MYO5B: variants seen among roughly 807,000 people sequenced by gnomAD.
MYO5B encodes the protein unconventional myosin-Vb.
A neutral mutation model predicts 229.3 loss-of-function variants in MYO5B; 143 were observed. The ratio of observed to expected loss-of-function variants is 0.62; its 90% CI spans 0.54 to 0.72. The LOEUF is 0.72. Ranked by LOEUF, MYO5B falls within the 30% of genes least tolerant of loss-of-function variation. The pLI, the probability that MYO5B is intolerant of heterozygous loss-of-function variation, is 0.00. For missense variants in MYO5B, 2,321 were observed against 2,331.0 expected (o/e 1.00, Z 0.09); for synonymous variants, 918 against 885.2 (o/e 1.04, Z -0.66).
chr18:50,086,669 G>A (rs564514720), intron 1 of MYO5B, among the ~76,000 whole-genome samples: 116 of 152,314 alleles, frequency 7.6e-4, no homozygotes, highest in African/African-American at 2.6e-3. Context: ...TTCCACATTT[G>A]TGGAAATGCC....
intron 4 of MYO5B, among the ~76,000 whole-genome samples, chr18:50,013,432 T>A (rs1227701255): frequency 2.0e-5 from 3 of 152,186 alleles, no homozygotes; most frequent in Non-Finnish European, 4.4e-5. Flanking sequence ...AATGACACCA[T>A]TTCAATAGAT....
intron 1 of MYO5B, chr18:50,126,579 G>C (rs1048354613): frequency 2.6e-5 from 4 of 154,858 alleles, no homozygotes; most frequent in Non-Finnish European, 4.4e-5. Flanking sequence ...GGTGAGCAAA[G>C]GCCTTGACAA....
intron 25 of MYO5B, 69 bp downstream of exon 25, chr18:49,877,694 A>T (rs552211130): frequency 6.2e-7 from 1 of 1,606,122 alleles, no homozygotes; most frequent in East Asian, 2.2e-5. Flanking sequence ...TCTCTTGGAC[A>T]GTTCCACACA....
chr18:50,013,389 A>G (rs907990305), intron 4 of MYO5B, among the ~76,000 whole-genome samples: 2 of 152,154 alleles, frequency 1.3e-5, no homozygotes, highest in Non-Finnish European at 2.9e-5. Context: ...ATCCCTCCCA[A>G]CTGCACCTAC....
chr18:50,192,212 C>T (rs927643623), intron 1 of MYO5B, among the ~76,000 whole-genome samples: 3 of 152,222 alleles, frequency 2.0e-5, no homozygotes, highest in African/African-American at 4.8e-5. Flanking sequence ...GAGCAAAGTT[C>T]GCACTTGATG....
intron 1 of MYO5B, among the ~76,000 whole-genome samples, chr18:50,160,788 TC>T (rs960447966): frequency 3.3e-5 from 5 of 152,092 alleles, no homozygotes; most frequent in Non-Finnish European, 7.4e-5. Context: ...AAGGAAATCC[TC>T]AGCACATATC....
At chr18:50,073,018 A>G (rs1165919819) in intron 1 of MYO5B, among the ~76,000 whole-genome samples, 1 of 152,210 alleles carries the variant, frequency 6.6e-6, no homozygotes, top group Non-Finnish European at 1.5e-5. Flanking sequence ...TTGGAGTCAC[A>G]TCGTAGCCAA....
At chr18:49,998,122 C>G (rs1004295915) in intron 5 of MYO5B, among the ~76,000 whole-genome samples, 4 of 152,138 alleles carry the variant, frequency 2.6e-5, no homozygotes, top group African/African-American at 7.2e-5. Flanking sequence ...CTTTCTAATT[C>G]TACTCAGGGT....
intron 14 of MYO5B, among the ~76,000 whole-genome samples, chr18:49,945,557 C>T (rs1031868127): frequency 3.3e-5 from 5 of 152,148 alleles, no homozygotes; most frequent in South Asian, 2.1e-4. Flanking sequence ...GGCATACCTC[C>T]GGGCACACCT....
At chr18:50,007,962 T>C (rs1409176540) in intron 4 of MYO5B, among the ~76,000 whole-genome samples, 1 of 152,184 alleles carries the variant, frequency 6.6e-6, no homozygotes, top group African/African-American at 2.4e-5. Context: ...AGTGAGACAC[T>C]GAGCCCGGAT....
rs1056356697 is a variant in MYO5B at position 49,947,985 on chromosome 18, G to A, written c.1752+5275C>T. ...CCATTAACTCGTCATTTAGCATTAG[G>A]TATACCTCCTAATGCTATCTACATA... On this transcript the variant is annotated intron_variant, in intron 14 of 39. Transcript: ENST00000285039. Among the ~76,000 whole-genome samples, 27 of 152,128 alleles carry A rather than the reference G, an allele frequency of 1.8e-4. 1 individual carries two copies. Among genetic ancestry groups the A allele is most frequent in the Admixed American group, 1.5e-3 (23 of 15,280 alleles).
intron 1 of MYO5B, among the ~76,000 whole-genome samples, chr18:50,173,325 G>A (rs2032946034): frequency 6.6e-6 from 1 of 151,952 alleles, no homozygotes; most frequent in African/African-American, 2.4e-5. Context: ...CAGCAGGTAA[G>A]GAAGACAGGG....
chr18:50,054,658 C>T (rs1454884860), intron 2 of MYO5B, among the ~76,000 whole-genome samples: 1 of 152,130 alleles, frequency 6.6e-6, no homozygotes, highest in Admixed American at 6.5e-5. Context: ...ACCTTGTCTT[C>T]CACTTGAAAG....
Position 49,907,486 on chromosome 18 carries a change from C to G in MYO5B, c.2203-856G>C, listed in dbSNP as rs150268804. Among the ~76,000 whole-genome samples the G allele has an allele frequency of 2.5e-3, 381 of 152,300 alleles. 2 individuals carry two copies. Among genetic ancestry groups the G allele is most frequent in the Admixed American group, 7.5e-3 (115 of 15,302 alleles). On this transcript the variant is annotated intron_variant, in intron 18 of 39. Coordinates refer to ENST00000285039, the MANE Select transcript of MYO5B (RefSeq NM_001080467.3). ...ACCCAGCAGGGTTCCTGTGGACAAG[C>G]CTGGGACAGAGCACTGGGAGAGTAA...
At chr18:50,091,567 G>T (rs1476733877) in intron 1 of MYO5B, among the ~76,000 whole-genome samples, 1 of 152,162 alleles carries the variant, frequency 6.6e-6, no homozygotes, top group African/African-American at 2.4e-5. Flanking sequence ...ACAACAAAAA[G>T]TAACTGGTAG....
At chr18:49,845,667 CCA>C (rs2024116061) in intron 33 of MYO5B, among the ~76,000 whole-genome samples, 2 of 152,162 alleles carry the variant, frequency 1.3e-5, no homozygotes, top group South Asian at 4.1e-4. Context: ...GGCTCAGGGT[CCA>C]GAGGATCAGA....
In MYO5B at chr18:50,127,933, C is replaced by T. The variant is rs141187498; in HGVS notation, c.27+66834G>A. On this transcript the variant is annotated intron_variant, in intron 1 of 39. Coordinates refer to ENST00000285039, the MANE Select transcript of MYO5B (RefSeq NM_001080467.3). ...TGAGCTGGGACACTGCTATTTTTCC[C>T]ACCTTCAGACTCAAACTGAGACATG... Among the ~76,000 whole-genome samples the T allele has an allele frequency of 7.9e-4, 120 of 152,276 alleles. 1 individual carries two copies. Among genetic ancestry groups the T allele is most frequent in the South Asian group, 6.8e-3 (33 of 4,826 alleles).
chr18:49,938,565 T>C (rs1254919632), intron 14 of MYO5B, among the ~76,000 whole-genome samples: 1 of 152,094 alleles, frequency 6.6e-6, no homozygotes, highest in Admixed American at 6.5e-5. Context: ...CTGCTCCTTC[T>C]CACCTACCCT....
chr18:50,078,538 A>T (rs888289656), intron 1 of MYO5B, among the ~76,000 whole-genome samples: 36 of 152,226 alleles, frequency 2.4e-4, no homozygotes, highest in Non-Finnish European at 3.7e-4. Context: ...AAAACATGAG[A>T]TACCATTACA....
Sources: allele counts gnomAD v4.1 joint callset (sites outside exome capture counted in the v4.1 genomes callset), GRCh38; gene constraint gnomAD v4.1.1; transcripts MANE v1.5; gene names NCBI Gene and HGNC (gene_info 2026-07-23, HGNC 2026-07-21).